Variants in ZMYM2 observed in about 807,000 individuals in gnomAD.
ZMYM2 encodes the protein zinc finger MYM-type protein 2.
In ZMYM2, 56 loss-of-function variants were observed where a neutral mutation model predicts 162.8. The ratio of observed to expected loss-of-function variants is 0.34; its 90% CI spans 0.28 to 0.43. The LOEUF is 0.43. Ranked by LOEUF, ZMYM2 falls within the 20% of genes least tolerant of loss-of-function variation. The pLI is 1.00. For missense variants in ZMYM2, 1,275 were observed against 1,621.8 expected (o/e 0.79, Z 3.67); for synonymous variants, 510 against 541.6 (o/e 0.94, Z 0.81).
At chr13:19,955,574 T>G (rs1954487616), upstream of ZMYM2, among the ~76,000 whole-genome samples, 1 of 152,200 alleles carries the variant, frequency 6.6e-6, no homozygotes, top group African/African-American at 2.4e-5. Context: ...GAAATGCAAT[T>G]AAACCTAACA....
At chr13:19,900,436 T>C in the ZMYM2 span, among the ~76,000 whole-genome samples, 6 of 151,508 alleles carry the variant, frequency 4.0e-5, no homozygotes, top group African/African-American at 1.2e-4. Flanking sequence ...AGGAAGGAGA[T>C]TGAATCAGTA....
intron 4 of ZMYM2, 130 bp downstream of exon 4, chr13:20,003,265 G>C: frequency 9.0e-7 from 1 of 1,108,622 alleles, no homozygotes. Context: ...ATGGATAAAA[G>C]GCTTCCTGTT....
the ZMYM2 span, among the ~76,000 whole-genome samples, chr13:19,872,556 A>G: frequency 2.7e-5 from 4 of 148,450 alleles, no homozygotes; most frequent in Non-Finnish European, 5.9e-5. Flanking sequence ...TCTCAAAAAT[A>G]AAAAATAAAA....
At chr13:20,019,834 T>C (rs1951922992) in intron 7 of ZMYM2, 1 of 511,864 alleles carries the variant, frequency 2.0e-6, no homozygotes, top group Non-Finnish European at 3.5e-6. Context: ...CATTTGTCTT[T>C]AGTTATTTAT....
At chr13:20,077,978 C>T (rs575946970) in intron 21 of ZMYM2, among the ~76,000 whole-genome samples, 25 of 151,916 alleles carry the variant, frequency 1.6e-4, no homozygotes, top group Non-Finnish European at 2.4e-4. Context: ...CCACCACGCC[C>T]GGCTAATTTT....
At chr13:20,071,423 G>A (rs575421415) in intron 21 of ZMYM2, among the ~76,000 whole-genome samples, 1 of 152,366 alleles carries the variant, frequency 6.6e-6, no homozygotes, top group Non-Finnish European at 1.5e-5. Context: ...GGGTGGGAAT[G>A]GGCCTGAGCA....
chr13:20,019,837 T>A (rs9315282), intron 7 of ZMYM2: 38,978 of 499,042 alleles, frequency 0.078, 2,498 homozygotes, highest in African/African-American at 0.22. Context: ...TTGTCTTTAG[T>A]TATTTATGTT....
chr13:20,053,868 G>C (rs371455376), intron 14 of ZMYM2, among the ~76,000 whole-genome samples: 3 of 152,058 alleles, frequency 2.0e-5, no homozygotes, highest in Non-Finnish European at 2.9e-5. Flanking sequence ...TTGGAAGTAC[G>C]TAAAGTATTC....
intron 12 of ZMYM2, among the ~76,000 whole-genome samples, chr13:20,038,459 G>GA (rs1953937060): frequency 6.6e-6 from 1 of 152,138 alleles, no homozygotes; most frequent in African/African-American, 2.4e-5. Context: ...ATGGTGTAAG[G>GA]AAGGGGTCCA....
chr13:20,013,150 T>C (rs1423750076), intron 6 of ZMYM2, among the ~76,000 whole-genome samples: 1 of 152,204 alleles, frequency 6.6e-6, no homozygotes. Context: ...CAGCAGTCTT[T>C]TGTGGTTTTT....
rs5802036 is a variant in ZMYM2, at chr13:20,081,998, CTT to C, written c.3454-6_3454-5del. The C allele has an allele frequency of 0.15, 138,006 of 928,888 alleles. 7 individuals are homozygous for C. Among genetic ancestry groups the C allele is most frequent in the East Asian group, 0.19 (4,571 of 24,160 alleles). The allele number at this position is 928,888 out of a possible 1,614,324, so 57.5% of individuals were successfully genotyped here. ...TTTTCTTTCAAGAAAGTTTGTGGGG[CTT>C]TTTTTTTTTTTATAGTATTTGTGTG... On this transcript the variant is annotated splice_polypyrimidine_tract_variant and intron_variant, in intron 21 of 24. Transcript: ENST00000610343.
At chr13:19,972,934 TG>T (rs1232960820) in intron 2 of ZMYM2, among the ~76,000 whole-genome samples, 8 of 147,042 alleles carry the variant, frequency 5.4e-5, no homozygotes, top group South Asian at 4.3e-4. Context: ...TATGTATATA[TG>T]TTTTTTTGTT....
the ZMYM2 span, among the ~76,000 whole-genome samples, chr13:19,891,091 C>G: frequency 6.6e-6 from 1 of 151,856 alleles, no homozygotes; most frequent in Admixed American, 6.6e-5. Flanking sequence ...AGCCCTGACA[C>G]CCAATGTGAC....
intron 14 of ZMYM2, among the ~76,000 whole-genome samples, 196 bp from the exon 15 acceptor site, chr13:20,058,379 T>G (rs1006571646): frequency 1.3e-5 from 2 of 152,190 alleles, no homozygotes; most frequent in Non-Finnish European, 2.9e-5. Context: ...TGCTACCACT[T>G]TGCTAGTAGT....
chr13:19,949,620 G>A, the ZMYM2 span, among the ~76,000 whole-genome samples: 4 of 151,934 alleles, frequency 2.6e-5, no homozygotes, highest in South Asian at 8.3e-4. Context: ...TGGGCGAGGT[G>A]GCTCACTCCT....
the ZMYM2 span, among the ~76,000 whole-genome samples, chr13:19,884,861 C>T: frequency 0.91 from 138,238 of 151,946 alleles, 64,287 homozygotes; most frequent in Non-Finnish European, 1. Flanking sequence ...ATCACAATTG[C>T]GGGTGCGGGT....
the ZMYM2 span, among the ~76,000 whole-genome samples, chr13:19,933,666 C>G: frequency 6.6e-6 from 1 of 152,148 alleles, no homozygotes; most frequent in Non-Finnish European, 1.5e-5. Context: ...AAACAGAGAC[C>G]TCAGATGATC....
the ZMYM2 span, among the ~76,000 whole-genome samples, chr13:19,881,946 C>T: frequency 6.9e-6 from 1 of 144,718 alleles, no homozygotes; most frequent in African/African-American, 2.6e-5. Context: ...TGCACCACTG[C>T]ACCCCAGTCT....
the ZMYM2 span, among the ~76,000 whole-genome samples, chr13:19,899,816 C>CAAAAAAAAAAAAA: frequency 4.6e-5 from 3 of 64,994 alleles, no homozygotes; most frequent in Non-Finnish European, 8.0e-5. Context: ...GACTCTGACT[C>CAAAAAAAAAAAAA]AAAAAAAAAA....
Sources: gnomAD v4.1 joint callset for allele counts (sites outside exome capture counted in the v4.1 genomes callset) on GRCh38, gnomAD v4.1.1 for gene constraint, MANE v1.5 for transcripts, NCBI Gene and HGNC (gene_info 2026-07-23, HGNC 2026-07-21) for gene names.